Variants in CTC1 observed in about 807,000 individuals in gnomAD.
CTC1 encodes the protein CST complex subunit CTC1.
A neutral mutation model predicts 136.3 loss-of-function variants in CTC1; 91 were observed. That is an observed-to-expected ratio of 0.67 (90% CI 0.56 to 0.79). The LOEUF (loss-of-function observed/expected upper bound fraction) is 0.79, where lower values mean the gene tolerates loss of function less well. Ranked by LOEUF, CTC1 falls within the 30% of genes least tolerant of loss-of-function variation. The pLI, the probability that CTC1 is intolerant of heterozygous loss-of-function variation, is 0.00. For missense variants in CTC1, 1,432 were observed against 1,498.1 expected, an observed-to-expected ratio of 0.96 and a Z score of 0.73; for synonymous variants, 606 against 613.8, an observed-to-expected ratio of 0.99 and a Z score of 0.19.
rs559314337 is a variant in CTC1 at position 8,226,246 on chromosome 17, G to A, written c.*1934C>T. On this transcript the variant is annotated 3_prime_UTR_variant, in exon 23 of 23. Transcript: ENST00000651323. Reference sequence around the variant, plus strand: ...TTTCAATTGAATAAAGGCACCGCTGGGATTCGAACCCAGGATCTCCTGTTT... The same window carrying A: ...TTTCAATTGAATAAAGGCACCGCTGAGATTCGAACCCAGGATCTCCTGTTT... The A allele has an allele frequency of 2.0e-5, 3 of 152,194 alleles. No individual in the cohort carries two copies. The highest frequency in any genetic ancestry group is 4.8e-5 in the African/African-American group (2 of 41,422). The allele number at this position is 152,194 out of a possible 1,614,324, so 9.4% of individuals were successfully genotyped here.
chr17:8,241,930 C>T (rs1278476027), intron 2 of CTC1, among the ~76,000 whole-genome samples: 1 of 150,648 alleles, frequency 6.6e-6, no homozygotes, highest in African/African-American at 2.4e-5. Flanking sequence ...TACACTTATG[C>T]AAAACTCTAC....
intron 17 of CTC1, 74 bp from the exon 18 acceptor site, chr17:8,230,042 C>A: frequency 7.1e-7 from 1 of 1,410,054 alleles, no homozygotes. Flanking sequence ...ACTCAGAGAT[C>A]AAGCACCACA....
At chr17:8,230,954 T>G (rs570358282) in intron 15 of CTC1, 60 of 481,160 alleles carry the variant, frequency 1.2e-4, no homozygotes, top group African/African-American at 1.1e-3. Flanking sequence ...CTGGCCAACA[T>G]GACGAAACCC....
Position 8,238,103 on chromosome 17 carries a change from G to A in CTC1, c.575C>T (p.Thr192Ile), listed in dbSNP as rs1229040259. The change falls in exon 4 of 23, where the codon ACC becomes ATC. Residue 192 changes from threonine (T) to isoleucine (I), a missense_variant. Coordinates refer to ENST00000651323, the MANE Select transcript of CTC1 (RefSeq NM_025099.6). Reference sequence around the variant, plus strand: ...AGGCGTGACGGGGCCAGGACTGATGGTCAAAGGAAACACTGGCACAGGGGC... The same window carrying A: ...AGGCGTGACGGGGCCAGGACTGATGATCAAAGGAAACACTGGCACAGGGGC... Reference protein sequence around the residue: ...WDAPVPVFPLTISPGPVTPIP... With the variant: ...WDAPVPVFPLIISPGPVTPIP... The A allele has an allele frequency of 1.2e-6, 2 of 1,614,184 alleles. No individual in the cohort carries two copies. The highest frequency in any genetic ancestry group is 1.1e-5 in the South Asian group (1 of 91,086).
rs762444081 is a variant in CTC1, at chr17:8,231,298, G to A, written c.2647C>T (p.Leu883=). ...DANKSLPESS[L]TDLLSDNFTD... Reference sequence around the variant, plus strand: ...TACTTGTCACTGAGCAGGTCGGTCAGTGAGGATTCAGGCAATGACTTGTTT... The same window carrying A: ...TACTTGTCACTGAGCAGGTCGGTCAATGAGGATTCAGGCAATGACTTGTTT... The change falls in exon 15 of 23, where the codon CTG becomes TTG. Residue 883 remains leucine, a synonymous_variant. Transcript: ENST00000651323. 1.3e-6 allele frequency: 2 copies of A among 1,587,534 alleles called. No individual in the cohort carries two copies. Among genetic ancestry groups the A allele is most frequent in the African/African-American group, 1.3e-5 (1 of 74,418 alleles).
chr17:8,233,315 T>C (rs1987406090), intron 10 of CTC1: 9 of 331,970 alleles, frequency 2.7e-5, no homozygotes, highest in South Asian at 1.6e-4. Flanking sequence ...TTACTTTATA[T>C]GCACTGGGAG....
Position 8,228,233 on chromosome 17 carries a change from T to C in CTC1, c.3601A>G (p.Ile1201Val), listed in dbSNP as rs772166289. The C allele has an allele frequency of 1.9e-6, 3 of 1,613,962 alleles. No homozygotes were observed. The highest frequency in any genetic ancestry group is 2.5e-6 in the Non-Finnish European group (3 of 1,179,918). The change falls in exon 23 of 23, where the codon ATC (isoleucine) becomes GTC (valine). Residue 1201 changes from isoleucine (I) to valine (V), a missense_variant. Transcript: ENST00000651323. ...GAGCTGGAGTACTCTGACTCTCGGA[T>C]AGAAAGGCAGGACAATCGGAGCCTG... ...NPRLRLSCLS[I>V]RESEYSSSLG...
chr17:8,229,411 A>G lies in CTC1; in HGVS notation c.3047T>C (p.Leu1016Pro). The G allele has an allele frequency of 1.9e-6, 3 of 1,613,954 alleles. No homozygotes were observed. The East Asian group carries it at 6.7e-5, about 36-fold the overall frequency. Reference sequence around the variant, plus strand: ...CTGGAATGGGGACTGACCACCCTGCAGAAGTTCAGCCAGGTAGATGTGGGG... The same window carrying G: ...CTGGAATGGGGACTGACCACCCTGCGGAAGTTCAGCCAGGTAGATGTGGGG... ...PLPHIYLAEL[L>P]QGGQSPFQAT... Residue 1016 changes from leucine to proline, a missense_variant, in exon 19 of 23, where the codon CTG (leucine) becomes CCG (proline). Physicochemically the swap from Leu to Pro is moderately conservative, Grantham distance 98 (BLOSUM62 -3). Transcript: ENST00000651323.
rs957741030 is a variant in CTC1, at chr17:8,229,187, C to A, written c.3176G>T (p.Gly1059Val). The A allele has an allele frequency of 6.8e-6, 11 of 1,614,054 alleles. No homozygotes were observed. The African/African-American group carries it at 1.3e-4, about 20-fold the overall frequency. The change falls in exon 20 of 23, where the codon GGC becomes GTC. Residue 1059 changes from glycine (G) to valine (V), a missense_variant. Gly to Val is a moderately radical substitution (Grantham distance 109). Coordinates refer to ENST00000651323, the MANE Select transcript of CTC1 (RefSeq NM_025099.6). ...ICRQGKCTRLGSTCPTQTAIS... is the reference protein window; with the variant it reads ...ICRQGKCTRLVSTCPTQTAIS... Reference sequence around the variant, plus strand: ...AGCTGTCTGCGTAGGGCAAGTGGAGCCCAGGCGAGTGCACTTTCCCTGGGA... The same window carrying A: ...AGCTGTCTGCGTAGGGCAAGTGGAGACCAGGCGAGTGCACTTTCCCTGGGA...
chr17:8,244,619 G>A (rs563755385), intron 1 of CTC1, among the ~76,000 whole-genome samples: 3 of 151,774 alleles, frequency 2.0e-5, no homozygotes, highest in African/African-American at 4.8e-5. Flanking sequence ...TCCGCCTTCC[G>A]GGTTCAAGTG....
rs200342280 is a variant in CTC1 at position 8,229,121 on chromosome 17, G to A, written c.3221+21C>T. On this transcript the variant is annotated intron_variant, in intron 20 of 22. Coordinates refer to ENST00000651323, the MANE Select transcript of CTC1 (RefSeq NM_025099.6). ...GTCTCATAAGTAAATGGCACAATGG[G>A]TGCACGCCTTGTGCTCTCACCTGAT... 7.9e-5 allele frequency: 127 copies of A among 1,612,438 alleles called. No homozygotes were observed. The African/African-American group carries it at 1.5e-3, about 20-fold the overall frequency.
chr17:8,242,362 T>C (rs977809720), intron 2 of CTC1, among the ~76,000 whole-genome samples: 8 of 151,844 alleles, frequency 5.3e-5, no homozygotes, highest in African/African-American at 1.7e-4. Context: ...AGGAGATAAA[T>C]AGGTTTCTTT....
rs1211198066 is a variant in CTC1, at chr17:8,225,916, C to G, written c.*2264G>C. On this transcript the variant is annotated 3_prime_UTR_variant, in exon 23 of 23. Transcript: ENST00000651323. ...ACAAAGTGGCTCAGGTTCTAGGGGA[C>G]GTCCTAGGGTGGAGAAAGAGGCCTG... The G allele has an allele frequency of 6.6e-6, 1 of 151,980 alleles. No individual in the cohort carries two copies. The highest frequency in any genetic ancestry group is 1.5e-5 in the Non-Finnish European group (1 of 68,028). 9.4% of individuals were successfully genotyped at this position (151,980 alleles called of 1,614,324 possible). A position where few individuals can be genotyped will look rare whatever the true frequency, so the allele number is the denominator to read the frequency against.
At position 8,226,916 on chromosome 17, in the gene CTC1, C is replaced by A. The variant is rs1986745358; in HGVS notation, c.*1264G>T. 1.3e-5 allele frequency: 2 copies of A among 152,150 alleles called. No individual in the cohort carries two copies. Among genetic ancestry groups the A allele is most frequent in the African/African-American group, 4.8e-5 (2 of 41,400 alleles). 9.4% of individuals were successfully genotyped at this position (152,150 alleles called of 1,614,324 possible). On this transcript the variant is annotated 3_prime_UTR_variant, in exon 23 of 23. Transcript: ENST00000651323. ...ATATAATTCTGTTACCAGAAGGCAACTGGCTCCGGGTAGAAACTTCCGGAT... is the reference window on the plus strand; with the variant it reads ...ATATAATTCTGTTACCAGAAGGCAAATGGCTCCGGGTAGAAACTTCCGGAT...
At chr17:8,228,408 C>T in intron 22 of CTC1, 89 bp from the exon 23 acceptor site, 1 of 1,607,478 alleles carries the variant, frequency 6.2e-7, no homozygotes, top group Non-Finnish European at 8.5e-7. Flanking sequence ...CCAGAAATTC[C>T]CCATCAGTCC....
Position 8,227,979 on chromosome 17 carries a change from A to AT in CTC1, c.*200dup. 1.8e-6 allele frequency: 1 copy of AT among 560,792 alleles called. No homozygotes were observed. The highest frequency in any genetic ancestry group is 3.2e-6 in the Non-Finnish European group (1 of 315,100). 34.7% of individuals were successfully genotyped at this position (560,792 alleles called of 1,614,324 possible). ...CTTGTCCCAATCAGAGGACATATTA[A>AT]TAGGGCCATGATTTCCTGTTGCCAC... is the stretch of plus-strand genomic sequence containing the variant. On this transcript the variant is annotated 3_prime_UTR_variant, in exon 23 of 23. Transcript: ENST00000651323.
In CTC1 at chr17:8,231,816, C is replaced by T. The variant is rs199861310; in HGVS notation, c.2386-1G>A. On this transcript the variant is annotated splice_acceptor_variant, in intron 13 of 22. Coordinates refer to ENST00000651323, the MANE Select transcript of CTC1 (RefSeq NM_025099.6). LOFTEE classifies it high-confidence loss of function. ...AAGAGCCAAAGAAAATGAGGTGAAC[C>T]TGGGAGGATGGAGAGCAAAGTGCTG... 13 of 1,614,166 alleles carry T rather than the reference C, an allele frequency of 8.1e-6. No homozygotes were observed. In the East Asian group the frequency reaches 2.7e-4, roughly 33 times the overall value.
intron 2 of CTC1, 25 bp from the exon 3 acceptor site, chr17:8,238,654 C>T (rs1373424864): frequency 3.3e-6 from 5 of 1,524,792 alleles, no homozygotes; most frequent in Non-Finnish European, 4.4e-6. Context: ...GAACAGAGGT[C>T]CTGCAAAGCC....
In CTC1 at chr17:8,230,602, G is replaced by T. The variant is rs1389244799; in HGVS notation, c.2719C>A (p.Leu907Ile). 6.2e-7 allele frequency: 1 copy of T among 1,614,042 alleles called. No individual in the cohort carries two copies. The highest frequency in any genetic ancestry group is 8.5e-7 in the Non-Finnish European group (1 of 1,180,034). Residue 907 changes from leucine to isoleucine, a missense_variant, in exon 16 of 23, where the codon CTA (leucine) becomes ATA (isoleucine). Transcript: ENST00000651323. ...SFSAEILSRT[L>I]CEPLVASLWM... ...AGAGACGCCACAAGGGGTTCACATA[G>T]TGTCCGTGACAAAATCTCAGCGGAG...
Sources: gnomAD v4.1 joint callset for allele counts (sites outside exome capture counted in the v4.1 genomes callset) on GRCh38, gnomAD v4.1.1 for gene constraint, MANE v1.5 for transcripts, NCBI Gene and HGNC (gene_info 2026-07-23, HGNC 2026-07-21) for gene names.